Variants in GPC6 observed in about 807,000 individuals in gnomAD.
The protein encoded by GPC6 is glypican-6.
GPC6 carries 14 observed loss-of-function variants against 55.2 expected under a neutral mutation model. The observed-to-expected ratio is 0.25, with a 90% CI of 0.17 to 0.40. GPC6 has a LOEUF of 0.40. Ranked by LOEUF, GPC6 falls within the 10% of genes least tolerant of loss-of-function variation. The pLI is 1.00. For missense variants in GPC6, 641 were observed against 708.5 expected, an observed-to-expected ratio of 0.90 and a Z score of 1.08; for synonymous variants, 278 against 259.6, an observed-to-expected ratio of 1.07 and a Z score of -0.68.
chr13:94,316,180 A>AG (rs2139123881), intron 6 of GPC6, among the ~76,000 whole-genome samples: 1 of 152,302 alleles, frequency 6.6e-6, no homozygotes, highest in Non-Finnish European at 1.5e-5. Context: ...TTAAAAAAAA[A>AG]AATTTAGAAT....
intron 2 of GPC6, among the ~76,000 whole-genome samples, chr13:93,775,923 G>A (rs186449006): frequency 7.6e-4 from 115 of 152,250 alleles, no homozygotes; most frequent in African/African-American, 2.3e-3. Flanking sequence ...TTTGCAGACC[G>A]TTTTTGTAAG....
intron 1 of GPC6, among the ~76,000 whole-genome samples, chr13:93,436,033 T>C (rs976530498): frequency 1.3e-5 from 2 of 152,178 alleles, no homozygotes; most frequent in African/African-American, 4.8e-5. Context: ...CGTTCTGCCA[T>C]GATGTACATA....
At chr13:94,351,977 A>G (rs867240369) in intron 6 of GPC6, among the ~76,000 whole-genome samples, 17 of 140,288 alleles carry the variant, frequency 1.2e-4, no homozygotes, top group Non-Finnish European at 2.2e-4. Context: ...AAAAAAAAAA[A>G]AAAAAGAAAA....
At position 93,536,032 on chromosome 13, in the gene GPC6, A is replaced by C. The variant is rs202007850; in HGVS notation, c.161-9231A>C. Among the ~76,000 whole-genome samples, 14 of 152,180 alleles carry C rather than the reference A, an allele frequency of 9.2e-5. No homozygotes were observed. In the East Asian group the frequency reaches 2.7e-3, roughly 29 times the overall value. On this transcript the variant is annotated intron_variant, in intron 1 of 8. Coordinates refer to ENST00000377047, the MANE Select transcript of GPC6 (RefSeq NM_005708.5). ...GACACAGTGATCTTCCAACATCGGGATGCTTCAAAGTTCCAGCGATGTCTG... is the reference window on the plus strand; with the variant it reads ...GACACAGTGATCTTCCAACATCGGGCTGCTTCAAAGTTCCAGCGATGTCTG...
intron 2 of GPC6, among the ~76,000 whole-genome samples, chr13:93,611,832 C>G (rs1396574155): frequency 6.6e-6 from 1 of 152,086 alleles, no homozygotes; most frequent in Non-Finnish European, 1.5e-5. Flanking sequence ...AGTAATTATG[C>G]AAAGCTAACT....
intron 1 of GPC6, among the ~76,000 whole-genome samples, chr13:93,324,601 T>TATATATATATATATATATATATAG (rs1879582858): frequency 7.8e-6 from 1 of 128,036 alleles, no homozygotes; most frequent in Admixed American, 8.1e-5. Context: ...TATATATATA[T>TATATATATATATATATATATATAG]ATATATATAT....
chr13:93,588,632 G>T (rs192526267), intron 2 of GPC6, among the ~76,000 whole-genome samples: 33 of 152,216 alleles, frequency 2.2e-4, no homozygotes, highest in Admixed American at 2.0e-3. Flanking sequence ...GGCTTCTGTG[G>T]AGACCTCAGT....
intron 4 of GPC6, among the ~76,000 whole-genome samples, chr13:94,080,931 T>C (rs1885076302): frequency 6.6e-6 from 1 of 152,238 alleles, no homozygotes; most frequent in Non-Finnish European, 1.5e-5. Flanking sequence ...TAGTTTTGTT[T>C]AGCTCATCAA....
chr13:93,626,431 C>T (rs969223713), intron 2 of GPC6, among the ~76,000 whole-genome samples: 1 of 152,110 alleles, frequency 6.6e-6, no homozygotes, highest in African/African-American at 2.4e-5. Context: ...GAGCCACACC[C>T]CATCTATTCC....
At chr13:93,449,809 T>C (rs992405592) in intron 1 of GPC6, among the ~76,000 whole-genome samples, 2 of 142,996 alleles carry the variant, frequency 1.4e-5, no homozygotes, top group African/African-American at 5.1e-5. Context: ...GCCTGGGCAA[T>C]AGAAACTCAG....
At chr13:93,708,438 G>A (rs1882932217) in intron 2 of GPC6, among the ~76,000 whole-genome samples, 2 of 151,746 alleles carry the variant, frequency 1.3e-5, no homozygotes, top group Admixed American at 6.6e-5. Context: ...AAATGGCATT[G>A]TGCTCAGTTT....
intron 1 of GPC6, among the ~76,000 whole-genome samples, chr13:93,389,283 G>A (rs913492423): frequency 6.6e-6 from 1 of 151,862 alleles, no homozygotes; most frequent in Admixed American, 6.6e-5. Flanking sequence ...AGATCACGAG[G>A]TCAGGAGATC....
At chr13:94,348,436 G>A (rs979190490) in intron 6 of GPC6, among the ~76,000 whole-genome samples, 8 of 152,236 alleles carry the variant, frequency 5.3e-5, no homozygotes, top group African/African-American at 1.9e-4. Flanking sequence ...GGCCTGAGGT[G>A]AGGACCGAGA....
chr13:93,660,993 C>T (rs1460182482), intron 2 of GPC6, among the ~76,000 whole-genome samples: 1 of 152,134 alleles, frequency 6.6e-6, no homozygotes, highest in Non-Finnish European at 1.5e-5. Context: ...ACAGTCTCTG[C>T]AGTGAGCAGA....
chr13:93,514,808 C>T (rs2590522), intron 1 of GPC6, among the ~76,000 whole-genome samples: 143,340 of 152,184 alleles, frequency 0.94, 68,087 homozygotes, highest in East Asian at 1. Flanking sequence ...GGACAGAATC[C>T]CCTACCAACC....
intron 4 of GPC6, among the ~76,000 whole-genome samples, chr13:94,235,522 A>G (rs1348967156): frequency 6.6e-6 from 1 of 152,176 alleles, no homozygotes; most frequent in Non-Finnish European, 1.5e-5. Context: ...GGGGACATAC[A>G]AATGAGAAAC....
At chr13:93,958,639 G>A (rs1181432359) in intron 3 of GPC6, among the ~76,000 whole-genome samples, 2 of 152,036 alleles carry the variant, frequency 1.3e-5, no homozygotes, top group Non-Finnish European at 2.9e-5. Context: ...GGTGCCTCTG[G>A]CTTTGTTCTT....
chr13:93,606,261 G>A (rs930476726), intron 2 of GPC6, among the ~76,000 whole-genome samples: 1 of 152,168 alleles, frequency 6.6e-6, no homozygotes, highest in Non-Finnish European at 1.5e-5. Context: ...CACAACATGT[G>A]CTGACTTTCA....
chr13:93,979,777 C>T (rs1044332376), intron 3 of GPC6, among the ~76,000 whole-genome samples: 1 of 152,164 alleles, frequency 6.6e-6, no homozygotes, highest in African/African-American at 2.4e-5. Context: ...AGGACAGCTA[C>T]AGATAGTTTA....
Sources: gnomAD v4.1 joint callset for allele counts (sites outside exome capture counted in the v4.1 genomes callset) on GRCh38, gnomAD v4.1.1 for gene constraint, MANE v1.5 for transcripts, NCBI Gene and HGNC (gene_info 2026-07-23, HGNC 2026-07-21) for gene names.